FAM47E: variants seen among roughly 807,000 people sequenced by gnomAD.
FAM47E encodes the protein protein FAM47E.
In FAM47E, 32 loss-of-function variants were observed where a neutral mutation model predicts 41.6. The observed-to-expected ratio is 0.77, with a 90% CI of 0.58 to 1.03. The LOEUF (loss-of-function observed/expected upper bound fraction) is 1.03. FAM47E is among the 50% of genes least tolerant of loss of function. The pLI is 0.00. For synonymous variants in FAM47E, 184 were observed against 188.7 expected, an observed-to-expected ratio of 0.98 and a Z score of 0.20; for missense variants, 424 against 485.4, an observed-to-expected ratio of 0.87 and a Z score of 1.19.
intron 3 of FAM47E, 29 bp downstream of exon 3, chr4:76,263,872 T>C (rs959904871): frequency 6.5e-7 from 1 of 1,547,032 alleles, no homozygotes; most frequent in African/African-American, 1.4e-5. Context: ...CCTTCGATCA[T>C]TGCTGTCACC....
intron 2 of FAM47E, among the ~76,000 whole-genome samples, chr4:76,219,963 C>T (rs1193408071): frequency 6.6e-6 from 1 of 152,188 alleles, no homozygotes; most frequent in African/African-American, 2.4e-5. Context: ...TAAATAAATA[C>T]TGTTTCTTTT....
intron 6 of FAM47E, chr4:76,278,862 T>C (rs1393908282): frequency 1.3e-5 from 2 of 152,228 alleles, no homozygotes; most frequent in African/African-American, 4.8e-5. Flanking sequence ...AATTTGGAAA[T>C]AGTGATGCAA....
chr4:76,265,105 GT>G (rs971110896), intron 3 of FAM47E, among the ~76,000 whole-genome samples: 1 of 152,180 alleles, frequency 6.6e-6, no homozygotes, highest in Non-Finnish European at 1.5e-5. Flanking sequence ...CATTATATAT[GT>G]TTTTTAGGGT....
chr4:76,257,977 C>T (rs1578779583), intron 2 of FAM47E, among the ~76,000 whole-genome samples: 1 of 152,146 alleles, frequency 6.6e-6, no homozygotes, highest in African/African-American at 2.4e-5. Flanking sequence ...ACAGAAAGGA[C>T]AGCTAGAATT....
intron 2 of FAM47E, among the ~76,000 whole-genome samples, chr4:76,230,601 G>A (rs1301361333): frequency 6.6e-6 from 1 of 152,178 alleles, no homozygotes; most frequent in African/African-American, 2.4e-5. Flanking sequence ...ATAAAGTTCA[G>A]TTTGAAGCTT....
At chr4:76,256,630 AG>A in intron 2 of FAM47E, 107 bp downstream of exon 2, 1 of 1,317,952 alleles carries the variant, frequency 7.6e-7, no homozygotes, top group Non-Finnish European at 1.0e-6. Flanking sequence ...TTATAAGAGG[AG>A]TGATGAATGT....
intron 2 of FAM47E, among the ~76,000 whole-genome samples, chr4:76,225,822 C>G (rs943081097): frequency 3.3e-5 from 5 of 152,276 alleles, no homozygotes; most frequent in Non-Finnish European, 4.4e-5. Flanking sequence ...TTTCCATGTT[C>G]ATCAGGGATA....
chr4:76,231,153 C>T (rs1206471994), intron 2 of FAM47E, among the ~76,000 whole-genome samples: 1 of 152,154 alleles, frequency 6.6e-6, no homozygotes, highest in Non-Finnish European at 1.5e-5. Flanking sequence ...TGTGACACAC[C>T]CAGATGACTG....
chr4:76,257,602 T>C (rs1367857094), intron 2 of FAM47E, among the ~76,000 whole-genome samples: 1 of 152,190 alleles, frequency 6.6e-6, no homozygotes, highest in Non-Finnish European at 1.5e-5. Context: ...TCTGGCCTCC[T>C]GGCTGCTCCA....
chr4:76,273,983 A>C (rs1734997954), intron 5 of FAM47E, among the ~76,000 whole-genome samples: 4 of 151,988 alleles, frequency 2.6e-5, no homozygotes, highest in Admixed American at 6.6e-5. Context: ...TCCATGTCTC[A>C]ACTTCACCTT....
intron 1 of FAM47E, among the ~76,000 whole-genome samples, chr4:76,214,787 T>C (rs1733169587): frequency 6.6e-6 from 1 of 152,144 alleles, no homozygotes; most frequent in African/African-American, 2.4e-5. Context: ...GTCCTATGAA[T>C]AGGAGGTTGT....
At chr4:76,264,696 A>T (rs1291366823) in intron 3 of FAM47E, among the ~76,000 whole-genome samples, 1 of 152,070 alleles carries the variant, frequency 6.6e-6, no homozygotes, top group African/African-American at 2.4e-5. Flanking sequence ...CCTGGGTTCC[A>T]GTGATTCTTA....
At chr4:76,226,569 C>T (rs2109983095) in intron 2 of FAM47E, among the ~76,000 whole-genome samples, 1 of 152,156 alleles carries the variant, frequency 6.6e-6, no homozygotes, top group South Asian at 2.1e-4. Context: ...CTCTTTGGCA[C>T]AGAGCTTGGT....
At chr4:76,266,122 C>T (rs1384661357) in intron 3 of FAM47E, among the ~76,000 whole-genome samples, 1 of 152,178 alleles carries the variant, frequency 6.6e-6, no homozygotes, top group Non-Finnish European at 1.5e-5. Flanking sequence ...TTTCTCATAA[C>T]ACTTTCTTTA....
Position 76,271,548 on chromosome 4 carries a change from G to A in FAM47E, c.670-20G>A. On this transcript the variant is annotated intron_variant, in intron 4 of 7. Transcript: ENST00000424749. ...ATTTCACCGATTGCCCTCAATTCAT[G>A]CAATGTGATATTCTTCCAGGGAATT... 2 of 1,551,398 alleles carry A rather than the reference G, an allele frequency of 1.3e-6. No individual in the cohort carries two copies. The highest frequency in any genetic ancestry group is 2.4e-5 in the South Asian group (2 of 83,978).
chr4:76,226,112 C>CA (rs55720841), intron 2 of FAM47E, among the ~76,000 whole-genome samples: 97,806 of 151,766 alleles, frequency 0.64, 33,518 homozygotes, highest in Non-Finnish European at 0.78. Flanking sequence ...CCGACGGAGT[C>CA]AAAGGAATGA....
chr4:76,262,592 C>T (rs1009708847), intron 2 of FAM47E, among the ~76,000 whole-genome samples: 1 of 152,076 alleles, frequency 6.6e-6, no homozygotes, highest in Admixed American at 6.6e-5. Context: ...AATGCATTGT[C>T]ACAAAACTAA....
At chr4:76,234,101 G>A (rs2109987461) in intron 2 of FAM47E, among the ~76,000 whole-genome samples, 1 of 152,308 alleles carries the variant, frequency 6.6e-6, no homozygotes, top group South Asian at 2.1e-4. Context: ...CGGCACCTTG[G>A]GCCATGTGTC....
Position 76,256,341 on chromosome 4 carries a change from C to T in FAM47E, c.238C>T (p.His80Tyr). ...PVEGFLPQIY[H>Y]RAPQLAPKKR... ...GGAGGGCTTTCTGCCCCAGATTTATCACAGAGCTCCCCAACTGGCCCCAAA... is the reference window on the plus strand; with the variant it reads ...GGAGGGCTTTCTGCCCCAGATTTATTACAGAGCTCCCCAACTGGCCCCAAA... The change falls in exon 2 of 8, where the codon CAC becomes TAC. Residue 80 changes from histidine (H) to tyrosine (Y), a missense_variant. Transcript: ENST00000424749. 6.4e-7 allele frequency: 1 copy of T among 1,551,732 alleles called. No homozygotes were observed. Among genetic ancestry groups the T allele is most frequent in the Non-Finnish European group, 8.7e-7 (1 of 1,147,022 alleles).
Sources: gnomAD v4.1 joint callset for allele counts (sites outside exome capture counted in the v4.1 genomes callset) on GRCh38, gnomAD v4.1.1 for gene constraint, MANE v1.5 for transcripts, NCBI Gene and HGNC (gene_info 2026-07-23, HGNC 2026-07-21) for gene names.